Variants in ADGRV1 observed in about 807,000 individuals in gnomAD.
ADGRV1 encodes adhesion G protein-coupled receptor V1, also known as G-protein coupled receptor 98.
A neutral mutation model predicts 596.2 loss-of-function variants in ADGRV1; 359 were observed. The ratio of observed to expected loss-of-function variants is 0.60; its 90% confidence interval spans 0.55 to 0.66. ADGRV1 has a LOEUF of 0.66. ADGRV1 is among the 30% of genes least tolerant of loss of function. ADGRV1 has a pLI of 0.00. For missense variants in ADGRV1, 7,274 were observed against 7,575.6 expected, an observed-to-expected ratio of 0.96 and a Z score of 1.48; for synonymous variants, 2,681 against 2,679.2, an observed-to-expected ratio of 1.00 and a Z score of -0.02.
At chr5:90,949,215 G>A (rs1294391898) in intron 83 of ADGRV1, among the ~76,000 whole-genome samples, 2 of 152,104 alleles carry the variant, frequency 1.3e-5, no homozygotes, top group African/African-American at 2.4e-5. Context: ...GAATACTTTA[G>A]GTTTCAGGGT....
intron 9 of ADGRV1, among the ~76,000 whole-genome samples, chr5:90,630,971 A>C (rs190504575): frequency 6.2e-4 from 94 of 152,196 alleles, no homozygotes; most frequent in Non-Finnish European, 1.1e-3. Context: ...TTTTGGGATT[A>C]TGCTGTAGTT....
intron 83 of ADGRV1, among the ~76,000 whole-genome samples, chr5:90,957,123 T>G (rs866778818): frequency 6.6e-6 from 1 of 152,138 alleles, no homozygotes; most frequent in South Asian, 2.1e-4. Context: ...CCAGGCAATC[T>G]CTACTAAGCA....
At position 90,658,124 on chromosome 5, in the gene ADGRV1, A is replaced by T; in HGVS notation, c.4598A>T (p.Asn1533Ile). The T allele has an allele frequency of 6.2e-7, 1 of 1,613,838 alleles. No individual in the cohort carries two copies. Residue 1533 changes from asparagine to isoleucine, a missense_variant, in exon 21 of 90, where the codon AAT becomes ATT. Coordinates refer to ENST00000405460, the MANE Select transcript of ADGRV1 (RefSeq NM_032119.4). ...TTCATTATTTCTGCAAGAGATGACA[A>T]TGACGAGGAAGGAGAAGAATTATTC... ...KSFIISARDD[N>I]DEEGEELFIL...
Position 91,054,102 on chromosome 5 carries a change from T to TGAGAGA in ADGRV1, c.18153-18318_18153-18313dup, listed in dbSNP as rs3079380. Among the ~76,000 whole-genome samples, 472 of 126,718 alleles carry TGAGAGA rather than the reference T, an allele frequency of 3.7e-3. 3 individuals carry two copies. The highest frequency in any genetic ancestry group is 0.011 in the African/African-American group (355 of 31,748). 83.1% of individuals were successfully genotyped at this position (126,718 alleles called of 152,430 possible). A position where few individuals can be genotyped will look rare whatever the true frequency, so the allele number is the denominator to read the frequency against. ...GTGTGTGTGTGTGTGTGTGTGTGTG[T>TGAGAGA]GAGAGAGAGAGAGAGAGAGAGAGAG... On this transcript the variant is annotated intron_variant, in intron 85 of 89. Coordinates refer to ENST00000405460, the MANE Select transcript of ADGRV1 (RefSeq NM_032119.4).
At chr5:91,065,286 G>C (rs548862289) in intron 85 of ADGRV1, among the ~76,000 whole-genome samples, 1 of 152,060 alleles carries the variant, frequency 6.6e-6, no homozygotes, top group South Asian at 2.1e-4. Context: ...ACCTCTGAGG[G>C]AGGCTGGCAC....
At chr5:90,765,491 C>A (rs1361290710) in intron 59 of ADGRV1, among the ~76,000 whole-genome samples, 11 of 147,938 alleles carry the variant, frequency 7.4e-5, no homozygotes, top group Non-Finnish European at 1.6e-4. Context: ...TATCTGAAAT[C>A]AAATTTTTTT....
At chr5:91,083,333 T>C (rs548851319) in intron 86 of ADGRV1, among the ~76,000 whole-genome samples, 4 of 152,222 alleles carry the variant, frequency 2.6e-5, no homozygotes, top group South Asian at 2.1e-4. Context: ...ATGGCACATG[T>C]ATACATATGT....
chr5:90,902,221 A>G (rs1257346733), intron 83 of ADGRV1, among the ~76,000 whole-genome samples: 1 of 152,104 alleles, frequency 6.6e-6, no homozygotes, highest in Non-Finnish European at 1.5e-5. Flanking sequence ...TTAAGAAATC[A>G]CCTTTGAACC....
intron 83 of ADGRV1, among the ~76,000 whole-genome samples, chr5:90,935,430 C>T (rs1233475202): frequency 1.3e-5 from 2 of 152,120 alleles, no homozygotes; most frequent in Admixed American, 6.5e-5. Flanking sequence ...TTCCAGCTTC[C>T]GCACCTCCTA....
intron 69 of ADGRV1, 132 bp downstream of exon 69, chr5:90,789,983 CAG>C: frequency 1.8e-6 from 1 of 543,688 alleles, no homozygotes; most frequent in Non-Finnish European, 2.9e-6. Context: ...TTCAGAGAAA[CAG>C]AGGCTTTATT....
chr5:90,796,502 G>C (rs1224090708), intron 70 of ADGRV1, among the ~76,000 whole-genome samples: 1 of 152,168 alleles, frequency 6.6e-6, no homozygotes, highest in Non-Finnish European at 1.5e-5. Context: ...TTTGATTGGT[G>C]TACCTGAAAG....
intron 21 of ADGRV1, among the ~76,000 whole-genome samples, chr5:90,661,005 C>A (rs1422405103): frequency 2.0e-5 from 3 of 152,156 alleles, no homozygotes; most frequent in Non-Finnish European, 4.4e-5. Context: ...ACCTGTGAAG[C>A]AGTTTAGGGT....
At position 90,648,099 on chromosome 5, in the gene ADGRV1, G is replaced by A. The variant is rs138774495; in HGVS notation, c.3289+335G>A. ...CCTAGGTATTGCTTAGTCACCCAGCGACTTAAGGGATAGGTATCCTGTAGC... is the reference window on the plus strand; with the variant it reads ...CCTAGGTATTGCTTAGTCACCCAGCAACTTAAGGGATAGGTATCCTGTAGC... On this transcript the variant is annotated intron_variant, in intron 17 of 89. Transcript: ENST00000405460. Among the ~76,000 whole-genome samples, 321 of 152,272 alleles carry A rather than the reference G, an allele frequency of 2.1e-3. 11 individuals are homozygous for A. The East Asian group carries it at 0.05, about 24-fold the overall frequency.
rs1363483604 is a variant in ADGRV1 at position 90,622,649 on chromosome 5, T to A, written c.506T>A (p.Leu169His). ...EPKGRNESMP[L>H]TLIREKGTYG... ...AAGGGCAGAAATGAGTCTATGCCTC[T>A]TACTCTCATCAGGGAAAAGGGAACC... The change falls in exon 5 of 90, where the codon CTT (leucine) becomes CAT (histidine). Residue 169 changes from leucine (L) to histidine (H), a missense_variant. Physicochemically the swap from Leu to His is moderately conservative, Grantham distance 99. This residue lies in a region of ADGRV1 where 1,715 missense variants were observed against 1,708.8 expected (regional missense o/e 1.00). Coordinates refer to ENST00000405460, the MANE Select transcript of ADGRV1 (RefSeq NM_032119.4). 6 of 1,550,342 alleles carry A rather than the reference T, an allele frequency of 3.9e-6. No homozygotes were observed. The Admixed American group carries it at 7.3e-5, about 19-fold the overall frequency.
chr5:90,822,130 T>C, intron 75 of ADGRV1: 1 of 155,578 alleles, frequency 6.4e-6, no homozygotes, highest in East Asian at 1.9e-4. Context: ...GTGCCGTTTT[T>C]TAAGCCGGTC....
At chr5:90,668,309 G>T (rs1183488671) in intron 21 of ADGRV1, among the ~76,000 whole-genome samples, 1 of 152,148 alleles carries the variant, frequency 6.6e-6, no homozygotes, top group Non-Finnish European at 1.5e-5. Flanking sequence ...GTATAATCTC[G>T]TGGTGCGCCG....
intron 5 of ADGRV1, among the ~76,000 whole-genome samples, chr5:90,624,256 C>T (rs1475552542): frequency 1.3e-5 from 2 of 152,108 alleles, no homozygotes; most frequent in Non-Finnish European, 1.5e-5. Context: ...AAGCATTACA[C>T]AGTTTTTCAG....
At chr5:90,902,204 T>C (rs1771913537) in intron 83 of ADGRV1, among the ~76,000 whole-genome samples, 1 of 152,148 alleles carries the variant, frequency 6.6e-6, no homozygotes, top group African/African-American at 2.4e-5. Flanking sequence ...CCACGTTATT[T>C]CTACCTTTAA....
chr5:91,050,228 A>T (rs983104444), intron 85 of ADGRV1, among the ~76,000 whole-genome samples: 14 of 152,178 alleles, frequency 9.2e-5, no homozygotes, highest in African/African-American at 3.1e-4. Flanking sequence ...GCATGTTAAT[A>T]AGAACACTGC....
Sources: gnomAD v4.1 joint callset for allele counts (sites outside exome capture counted in the v4.1 genomes callset) on GRCh38, gnomAD v4.1.1 for gene constraint, gnomAD v4.1.1 regional missense constraint, MANE v1.5 for transcripts, NCBI Gene and HGNC (gene_info 2026-07-23, HGNC 2026-07-21) for gene names.